EPS8: variants seen among roughly 807,000 people sequenced by gnomAD.
The protein encoded by EPS8 is epidermal growth factor receptor kinase substrate 8.
EPS8 carries 42 observed loss-of-function variants against 103.8 expected under a neutral mutation model. That is an observed-to-expected ratio of 0.40 (90% CI 0.32 to 0.52). The LOEUF (loss-of-function observed/expected upper bound fraction) is 0.52, where lower values mean the gene tolerates loss of function less well. EPS8 is among the 20% of genes least tolerant of loss of function. EPS8 has a pLI of 0.40. For synonymous variants in EPS8, 344 were observed against 344.6 expected, an observed-to-expected ratio of 1.00 and a Z score of 0.02; for missense variants, 969 against 1,005.1, an observed-to-expected ratio of 0.96 and a Z score of 0.49.
intron 18 of EPS8, among the ~76,000 whole-genome samples, chr12:15,629,040 C>T (rs1289114268): frequency 1.3e-5 from 2 of 152,144 alleles, no homozygotes; most frequent in African/African-American, 4.8e-5. Flanking sequence ...AAGGAACTTA[C>T]ATAAGTTGCA....
At chr12:15,640,668 GTACATAC>G in intron 17 of EPS8, 28 bp downstream of exon 17, 1 of 1,586,870 alleles carries the variant, frequency 6.3e-7, no homozygotes, top group Non-Finnish European at 8.6e-7. Flanking sequence ...TCGTAAATGT[GTACATAC>G]TACATTTTAC....
chr12:15,636,590 A>T (rs1244071314), intron 17 of EPS8, among the ~76,000 whole-genome samples: 1 of 152,230 alleles, frequency 6.6e-6, no homozygotes, highest in East Asian at 1.9e-4. Flanking sequence ...AACAATAGGC[A>T]AGAGCTGCAC....
At chr12:15,720,111 A>G (rs1424668478) in intron 1 of EPS8, among the ~76,000 whole-genome samples, 3 of 152,214 alleles carry the variant, frequency 2.0e-5, no homozygotes, top group African/African-American at 4.8e-5. Context: ...CCACATTACT[A>G]AATCTGTTTG....
In EPS8 at chr12:15,621,190, T is replaced by TG. The variant is rs1284957645; in HGVS notation, c.*126dup. On this transcript the variant is annotated 3_prime_UTR_variant, in exon 21 of 21. Coordinates refer to ENST00000281172, the MANE Select transcript of EPS8 (RefSeq NM_004447.6). The stretch of plus-strand genomic sequence containing the variant: ...AATCCTGTGCTCACTCAGGTTTGCA[T>TG]GGGTTTTTTTTTATGGTGATAAATT... 3 of 377,386 alleles carry TG rather than the reference T, an allele frequency of 7.9e-6. No homozygotes were observed. The highest frequency in any genetic ancestry group is 7.3e-5 in the South Asian group (2 of 27,454). 23.4% of individuals were successfully genotyped at this position (377,386 alleles called of 1,614,324 possible). A position where few individuals can be genotyped will look rare whatever the true frequency, so the allele number is the denominator to read the frequency against.
intron 1 of EPS8, among the ~76,000 whole-genome samples, chr12:15,750,891 C>T (rs1423915420): frequency 2.0e-5 from 3 of 152,242 alleles, no homozygotes; most frequent in East Asian, 1.9e-4. Context: ...AATATCCCTT[C>T]TTTTTTTAGT....
At chr12:15,788,487 A>G (rs145428985) in intron 1 of EPS8, among the ~76,000 whole-genome samples, 152 of 152,308 alleles carry the variant, frequency 1.0e-3, no homozygotes, top group African/African-American at 3.5e-3. Context: ...AAGGAAAGTA[A>G]GAGTGAGAAC....
chr12:15,718,013 C>T (rs117863234), intron 1 of EPS8, among the ~76,000 whole-genome samples: 1 of 152,260 alleles, frequency 6.6e-6, no homozygotes, highest in East Asian at 1.9e-4. Context: ...AGTGATTTCT[C>T]ATTTCCTTTC....
In EPS8 at chr12:15,749,436, T is replaced by C. The variant is rs950663986; in HGVS notation, c.-22+39725A>G. ...TGCTAAGCAAAGGGCCTGCACATAATAGAGCTCAATAATCATTTGCCTAAT... is the reference window on the plus strand; with the variant it reads ...TGCTAAGCAAAGGGCCTGCACATAACAGAGCTCAATAATCATTTGCCTAAT... On this transcript the variant is annotated intron_variant, in intron 1 of 20. Coordinates refer to ENST00000281172, the MANE Select transcript of EPS8 (RefSeq NM_004447.6). This position sits in a 1 kb window ranked among gnomAD's most constrained non-coding sequence, Gnocchi z 4.0. Among the ~76,000 whole-genome samples the C allele has an allele frequency of 3.3e-5, 5 of 152,190 alleles. No homozygotes were observed. The highest frequency in any genetic ancestry group is 4.8e-5 in the African/African-American group (2 of 41,436).
intron 8 of EPS8, among the ~76,000 whole-genome samples, chr12:15,664,593 T>A (rs565652953): frequency 6.6e-6 from 1 of 152,188 alleles, no homozygotes; most frequent in Non-Finnish European, 1.5e-5. Flanking sequence ...GGTAGACATA[T>A]CAGGTCTTGC....
chr12:15,680,069 T>C (rs1945978880), intron 3 of EPS8, among the ~76,000 whole-genome samples: 1 of 152,190 alleles, frequency 6.6e-6, no homozygotes, highest in African/African-American at 2.4e-5. Flanking sequence ...ACCATGGTAA[T>C]AATGTCACAA....
chr12:15,684,495 G>A lies in EPS8; in HGVS notation c.-21-1523C>T, dbSNP rs1029774511. On this transcript the variant is annotated intron_variant, in intron 1 of 20. Coordinates refer to ENST00000281172, the MANE Select transcript of EPS8 (RefSeq NM_004447.6). The surrounding 1 kb of genome is among the most constrained non-coding windows in gnomAD (Gnocchi z 4.9). ...AATAAGAAGAAGGGTACCAGGCACA[G>A]AATAGGTGTTCATTAAATATTTATT... 6.6e-6 allele frequency among the ~76,000 whole-genome samples: 1 copy of A among 152,150 alleles called. No individual in the cohort carries two copies. Among genetic ancestry groups the A allele is most frequent in the Non-Finnish European group, 1.5e-5 (1 of 68,020 alleles).
intron 18 of EPS8, among the ~76,000 whole-genome samples, chr12:15,629,966 T>C (rs371307581): frequency 1.3e-5 from 2 of 152,158 alleles, no homozygotes; most frequent in African/African-American, 4.8e-5. Context: ...ATCTCAGCTA[T>C]AAAGTTAATA....
At chr12:15,665,934 T>C (rs1432734512) in intron 7 of EPS8, 42 bp from the exon 8 acceptor site, 1 of 1,591,838 alleles carries the variant, frequency 6.3e-7, no homozygotes, top group East Asian at 2.2e-5. Flanking sequence ...CCATCTCTAT[T>C]TCTATAACAT....
At chr12:15,658,686 TC>T in intron 10 of EPS8, 101 bp from the exon 11 acceptor site, 1 of 773,898 alleles carries the variant, frequency 1.3e-6, no homozygotes, top group East Asian at 2.4e-5. Flanking sequence ...TTTGAAGATC[TC>T]ATCAGACATG....
intron 15 of EPS8, among the ~76,000 whole-genome samples, chr12:15,645,289 C>G (rs1945301492): frequency 6.6e-6 from 1 of 152,052 alleles, no homozygotes; most frequent in African/African-American, 2.4e-5. Context: ...TGAACTGATA[C>G]TTATTCCTTT....
In EPS8 at chr12:15,621,307, A is replaced by G; in HGVS notation, c.*10T>C. 1 of 1,483,010 alleles carries G rather than the reference A, an allele frequency of 6.7e-7. No individual in the cohort carries two copies. Among genetic ancestry groups the G allele is most frequent in the East Asian group, 2.4e-5 (1 of 41,968 alleles). 91.9% of individuals were successfully genotyped at this position (1,483,010 alleles called of 1,614,324 possible). On this transcript the variant is annotated 3_prime_UTR_variant, in exon 21 of 21. Coordinates refer to ENST00000281172, the MANE Select transcript of EPS8 (RefSeq NM_004447.6). ...CCAAAAACAATGGAGTTTAAATACA[A>G]ACAAACAAATTAGTGACTGCTTCCT...
intron 17 of EPS8, among the ~76,000 whole-genome samples, chr12:15,639,310 T>A (rs1310062110): frequency 6.6e-6 from 1 of 152,080 alleles, no homozygotes; most frequent in Admixed American, 6.6e-5. Context: ...CAGAAGCATA[T>A]ATTATATTAG....
chr12:15,628,156 A>G (rs926417348), intron 18 of EPS8, among the ~76,000 whole-genome samples: 4 of 152,192 alleles, frequency 2.6e-5, no homozygotes, highest in African/African-American at 9.7e-5. Context: ...TGATTGTTAC[A>G]TTTAAGTATA....
rs1422737617 is a variant in EPS8 at position 15,780,123 on chromosome 12, AG to A, written c.-22+9037del. 2.6e-5 allele frequency: 4 copies of A among 152,224 alleles called. No individual in the cohort carries two copies. Among genetic ancestry groups the A allele is most frequent in the Non-Finnish European group, 5.9e-5 (4 of 68,042 alleles). 9.4% of individuals were successfully genotyped at this position (152,224 alleles called of 1,614,324 possible). On this transcript the variant is annotated intron_variant, in intron 1 of 20. Coordinates refer to ENST00000281172, the MANE Select transcript of EPS8 (RefSeq NM_004447.6). This position sits in a 1 kb window ranked among gnomAD's most constrained non-coding sequence, Gnocchi z 4.1. ...ACATTTAGAAGGCCATGTGACTAGA[AG>A]AGAAGATTTATGCAATTCTTAAACA...
Sources: gnomAD v4.1 joint callset for allele counts (sites outside exome capture counted in the v4.1 genomes callset) on GRCh38, gnomAD v4.1.1 for gene constraint, Gnocchi (gnomAD v3.1) non-coding constraint, MANE v1.5 for transcripts, NCBI Gene and HGNC (gene_info 2026-07-23, HGNC 2026-07-21) for gene names.